The following BRS3 variants were observed in gnomAD, a reference collection of about 807,000 sequenced individuals.
The protein encoded by BRS3 is bombesin receptor subtype 3.
BRS3 carries 5 observed loss-of-function variants against 18.8 expected under a neutral mutation model. The observed-to-expected ratio is 0.27, with a 90% CI of 0.14 to 0.56. The LOEUF (loss-of-function observed/expected upper bound fraction) is 0.56, where lower values mean the gene tolerates loss of function less well. Ranked by LOEUF, BRS3 falls within the 20% of genes least tolerant of loss-of-function variation. The pLI is 0.93. For missense variants in BRS3, 215 were observed against 296.3 expected, an observed-to-expected ratio of 0.73 and a Z score of 2.01; for synonymous variants, 121 against 115.0, an observed-to-expected ratio of 1.05 and a Z score of -0.33.
At chrX:136,491,939 T>C in intron 2 of BRS3, 23 bp from the exon 3 acceptor site, 4 of 756,464 alleles carry the variant, frequency 5.3e-6, no homozygotes, top group Admixed American at 9.4e-5. Flanking sequence ...TTTTTTTTTT[T>C]GCTATGTTTC....
At chrX:136,491,918 T>TTGTG (rs1569351067) in intron 2 of BRS3, 44 bp from the exon 3 acceptor site, 1 of 527,399 alleles carries the variant, frequency 1.9e-6, no homozygotes, top group African/African-American at 3.3e-5. Context: ...TTTGTGTTTT[T>TTGTG]TTTTTTTTTT....
In BRS3 at chrX:136,492,398, T is replaced by G. The variant is rs2075673994; in HGVS notation, c.*23T>G. On this transcript the variant is annotated 3_prime_UTR_variant, in exon 3 of 3. Coordinates refer to ENST00000370648, the MANE Select transcript of BRS3 (RefSeq NM_001727.2). ...TAGCTTTTCAAGGAAAAATGCTGCT[T>G]CTCCTCCCAGCGTGTGTATCCGACT... 5 of 1,182,271 alleles carry G rather than the reference T, an allele frequency of 4.2e-6. No individual in the cohort carries two copies. The highest frequency in any genetic ancestry group is 5.7e-6 in the Non-Finnish European group (5 of 881,500).
intron 2 of BRS3, among the ~76,000 whole-genome samples, chrX:136,491,202 C>T (rs1286572890): frequency 1.8e-5 from 2 of 112,057 alleles, no homozygotes; most frequent in Non-Finnish European, 3.8e-5. Flanking sequence ...AGAGAGGATT[C>T]CATTTACCCC....
intron 2 of BRS3, 34 bp from the exon 3 acceptor site, chrX:136,491,913 GTTTTTTTTTTTTTTT>G: frequency 2.3e-6 from 1 of 435,529 alleles, no homozygotes; most frequent in Non-Finnish European, 2.8e-6. Context: ...TGTTTTTTGT[GTTTTTTTTTTTTTTT>G]TTTTTTTTTT....
At chrX:136,491,731 C>T (rs539960463) in intron 2 of BRS3, among the ~76,000 whole-genome samples, 4 of 111,145 alleles carry the variant, frequency 3.6e-5, no homozygotes, top group East Asian at 2.8e-4. Flanking sequence ...TGCCAATTGA[C>T]TTGCTGTGTT....
rs759794275 is a variant in BRS3 at position 136,490,368 on chromosome X, G to T, written c.670G>T (p.Val224Leu). 6.6e-6 allele frequency: 8 copies of T among 1,208,163 alleles called. 1 individual carries two copies. The Admixed American group carries it at 1.7e-4, about 26-fold the overall frequency. Residue 224 changes from valine to leucine, a missense_variant, in exon 2 of 3, where the codon GTG becomes TTG. Physicochemically the swap from Val to Leu is conservative, Grantham distance 32 (BLOSUM62 1). This residue lies in a region of BRS3 where 123 missense variants were observed against 207.6 expected (regional missense o/e 0.59). Coordinates refer to ENST00000370648, the MANE Select transcript of BRS3 (RefSeq NM_001727.2). ...QEIHSLLCFL[V>L]FYIIPLSIIS... ...AATACATTCTCTGCTGTGCTTCTTAGTGTTCTACATTATTCCACTCTCTAT... is the reference window on the plus strand; with the variant it reads ...AATACATTCTCTGCTGTGCTTCTTATTGTTCTACATTATTCCACTCTCTAT...
Position 136,490,388 on chromosome X carries a change from C to G in BRS3, c.690C>G (p.Leu230=). 7.5e-6 allele frequency: 9 copies of G among 1,207,808 alleles called. No individual in the cohort carries two copies. The highest frequency in any genetic ancestry group is 1.0e-5 in the Non-Finnish European group (9 of 892,194). The change falls in exon 2 of 3, where the codon CTC becomes CTG. Residue 230 remains leucine (L), a synonymous_variant. Transcript: ENST00000370648. ...LCFLVFYIIP[L]SIISVYYSLI... is the part of the protein sequence containing the mutation. The stretch of plus-strand genomic sequence containing the variant: ...TCTTAGTGTTCTACATTATTCCACT[C>G]TCTATTATCTCTGTCTACTATTCCT...
intron 2 of BRS3, 48 bp from the exon 3 acceptor site, chrX:136,491,914 T>TTTTTTTTTTTTTTTTTTTTTTTTTTTG: frequency 3.0e-6 from 1 of 332,281 alleles, no homozygotes; most frequent in East Asian, 9.5e-5. Context: ...GTTTTTTGTG[T>TTTTTTTTTTTTTTTTTTTTTTTTTTTG]TTTTTTTTTT....
Position 136,490,348 on chromosome X carries a change from A to T in BRS3, c.650A>T (p.His217Leu). The T allele has an allele frequency of 8.3e-7, 1 of 1,207,759 alleles. No homozygotes were observed. The highest frequency in any genetic ancestry group is 1.1e-6 in the Non-Finnish European group (1 of 891,684). The change falls in exon 2 of 3, where the codon CAT (histidine) becomes CTT (leucine). Residue 217 changes from histidine (H) to leucine (L), a missense_variant. By Grantham distance (99) the His-to-Leu change is moderately conservative. This residue lies in a region of BRS3 where 123 missense variants were observed against 207.6 expected (regional missense o/e 0.59). Coordinates refer to ENST00000370648, the MANE Select transcript of BRS3 (RefSeq NM_001727.2). ...TCTAAGAAGCTCTTGCAAGAAATAC[A>T]TTCTCTGCTGTGCTTCTTAGTGTTC... ...PVSKKLLQEI[H>L]SLLCFLVFYI... is the part of the protein sequence containing the mutation.
Position 136,488,203 on chromosome X carries a change from A to AGCTGTGGTTTC in BRS3, c.89_90insGCTGTGGTTTC (p.Asp30GlufsTer19). 1 of 1,211,697 alleles carries AGCTGTGGTTTC rather than the reference A, an allele frequency of 8.3e-7. No homozygotes were observed. The highest frequency in any genetic ancestry group is 3.0e-5 in the East Asian group (1 of 33,870). On this transcript the variant is annotated frameshift_variant, in exon 1 of 3. Transcript: ENST00000370648. LOFTEE classifies it high-confidence loss of function. Reference sequence around the variant, plus strand: ...TCATCAAGCTCTGTGGTTTCTAACGATAACACAAATAAAGGATGGAGCGGG... The same window carrying AGCTGTGGTTTC: ...TCATCAAGCTCTGTGGTTTCTAACGAGCTGTGGTTTCTAACACAAATAAAGGATGGAGCGGG...
intron 1 of BRS3, 65 bp from the exon 2 acceptor site, chrX:136,490,068 C>CGTA: frequency 2.1e-6 from 2 of 963,263 alleles, no homozygotes; most frequent in East Asian, 6.2e-5. Flanking sequence ...AAGGTCACTT[C>CGTA]TCACCCTAAA....
chrX:136,492,105 T>C lies in BRS3; in HGVS notation c.930T>C (p.Ile310=), dbSNP rs5236. The change falls in exon 3 of 3, where the codon ATT becomes ATC. Residue 310 remains isoleucine (I), a synonymous_variant. Transcript: ENST00000370648. ...TAGACCCCTCTGCCATGCATTTCAT[T>C]TTCACCATTTTCTCTCGGGTTTTGG... ...TYVDPSAMHF[I]FTIFSRVLAF... The C allele has an allele frequency of 5.5e-4, 662 of 1,208,022 alleles. 2 individuals carry two copies. In the African/African-American group the frequency reaches 0.011, roughly 20 times the overall value.
rs747423670 is a variant in BRS3, at chrX:136,488,175, G to A, written c.61G>A (p.Glu21Lys). 3.2e-5 allele frequency: 39 copies of A among 1,209,422 alleles called. No homozygotes were observed. Among genetic ancestry groups the A allele is most frequent in the Non-Finnish European group, 4.2e-5 (38 of 895,049 alleles). The change falls in exon 1 of 3, where the codon GAA becomes AAA. Residue 21 changes from glutamate (E) to lysine (K), a missense_variant. Glu to Lys is a moderately conservative substitution (Grantham distance 56). Coordinates refer to ENST00000370648, the MANE Select transcript of BRS3 (RefSeq NM_001727.2). Reference sequence around the variant, plus strand: ...TTTAATTTCAATCACAAATGACACAGAATCATCAAGCTCTGTGGTTTCTAA... The same window carrying A: ...TTTAATTTCAATCACAAATGACACAAAATCATCAAGCTCTGTGGTTTCTAA... ...QTLISITNDT[E>K]SSSSVVSNDN...
At chrX:136,491,927 T>TTTG (rs2075671771) in intron 2 of BRS3, 35 bp from the exon 3 acceptor site, 1 of 674,301 alleles carries the variant, frequency 1.5e-6, no homozygotes, top group Non-Finnish European at 1.9e-6. Flanking sequence ...TTTTTTTTTT[T>TTTG]TTTTTTTTTT....
Position 136,490,207 on chromosome X carries a change from G to T in BRS3, c.509G>T (p.Cys170Phe). The T allele has an allele frequency of 8.3e-7, 1 of 1,210,678 alleles. No individual in the cohort carries two copies. Among genetic ancestry groups the T allele is most frequent in the African/African-American group, 1.7e-5 (1 of 57,819 alleles). The change falls in exon 2 of 3, where the codon TGC (cysteine) becomes TTC (phenylalanine). Residue 170 changes from cysteine (C) to phenylalanine (F), a missense_variant. Coordinates refer to ENST00000370648, the MANE Select transcript of BRS3 (RefSeq NM_001727.2). ...CTGAAGACTTGTGTAAAAGCTGGCT[G>T]CGTCTGGATCGTGTCTATGATATTT... ...AILKTCVKAG[C>F]VWIVSMIFAL...
intron 1 of BRS3, 108 bp downstream of exon 1, chrX:136,488,656 T>C: frequency 1.3e-6 from 1 of 776,883 alleles, no homozygotes; most frequent in South Asian, 3.1e-5. Flanking sequence ...TCTCACACTC[T>C]GTAACGTGGA....
rs369012271 is a variant in BRS3, at chrX:136,492,268, C to T, written c.1093C>T (p.Leu365=). Residue 365 remains leucine, a synonymous_variant, in exon 3 of 3, where the codon CTG becomes TTG. Transcript: ENST00000370648. ...PPVADTSLTT[L]AVMGTVPGTG... ...TGTTGCTGACACCTCTCTTACCACC[C>T]TGGCTGTGATGGGAACGGTCCCGGG... 8.6e-5 allele frequency: 104 copies of T among 1,209,729 alleles called. No homozygotes were observed. Among genetic ancestry groups the T allele is most frequent in the Non-Finnish European group, 1.2e-4 (103 of 895,240 alleles).
Position 136,492,228 on chromosome X carries a change from G to A in BRS3, c.1053G>A (p.Glu351=), listed in dbSNP as rs183554707. Reference sequence around the variant, plus strand: ...CTCAGTTGTTCTGTTGCAAGGCGGAGCGGCCTGAGCCTCCTGTTGCTGACA... The same window carrying A: ...CTCAGTTGTTCTGTTGCAAGGCGGAACGGCCTGAGCCTCCTGTTGCTGACA... ...FKAQLFCCKA[E]RPEPPVADTS... is the part of the protein sequence containing the mutation. Residue 351 remains glutamate (E), a synonymous_variant, in exon 3 of 3, where the codon GAG becomes GAA. Transcript: ENST00000370648. 325 of 1,209,850 alleles carry A rather than the reference G, an allele frequency of 2.7e-4. No homozygotes were observed. Among genetic ancestry groups the A allele is most frequent in the Non-Finnish European group, 3.4e-4 (305 of 895,278 alleles).
chrX:136,492,580 A>T lies in BRS3; in HGVS notation c.*205A>T. 2.8e-6 allele frequency: 1 copy of T among 359,705 alleles called. No individual in the cohort carries two copies. The highest frequency in any genetic ancestry group is 4.3e-5 in the East Asian group (1 of 23,069). 29.6% of individuals were successfully genotyped at this position (359,705 alleles called of 1,213,427 possible). On this transcript the variant is annotated 3_prime_UTR_variant, in exon 3 of 3. Coordinates refer to ENST00000370648, the MANE Select transcript of BRS3 (RefSeq NM_001727.2). ...GTCATCGGGCTTTCTAAATAAAATG[A>T]AGCCCCACTAAGTGCAGAAAGACAA...
Sources: allele counts gnomAD v4.1 joint callset (sites outside exome capture counted in the v4.1 genomes callset), GRCh38; gene constraint gnomAD v4.1.1; regional missense constraint gnomAD v4.1.1; transcripts MANE v1.5; gene names NCBI Gene and HGNC (gene_info 2026-07-23, HGNC 2026-07-21).